The following CFAP53 variants were observed in gnomAD, a reference collection of about 807,000 sequenced individuals.
CFAP53 encodes cilia- and flagella-associated protein 53.
In CFAP53, 62 loss-of-function variants were observed where a neutral mutation model predicts 59.7. The observed-to-expected ratio is 1.04, with a 90% confidence interval of 0.85 to 1.28. The LOEUF is 1.28. CFAP53 is among the 50% of genes most tolerant of loss of function. The pLI is 0.00. For synonymous variants in CFAP53, 218 were observed against 205.7 expected (o/e 1.06, Z -0.51); for missense variants, 629 against 615.6 (o/e 1.02, Z -0.23).
chr18:50,253,142 G>A (rs1176568335), intron 3 of CFAP53, among the ~76,000 whole-genome samples: 1 of 152,060 alleles, frequency 6.6e-6, no homozygotes, highest in African/African-American at 2.4e-5. Context: ...TCAGCCTCCG[G>A]AGTAGCTGGG....
intron 3 of CFAP53, chr18:50,256,107 A>G (rs9958001): frequency 0.67 from 101,936 of 152,058 alleles, 34,543 homozygotes; most frequent in Admixed American, 0.73. Context: ...TCTAACTAGC[A>G]AAAACTCAGT....
At chr18:50,244,576 A>G (rs556359911) in intron 5 of CFAP53, among the ~76,000 whole-genome samples, 1 of 152,332 alleles carries the variant, frequency 6.6e-6, no homozygotes, top group South Asian at 2.1e-4. Flanking sequence ...AATAATCAAT[A>G]TAAGACTGGA....
rs376463544 is a variant in CFAP53, at chr18:50,250,814, C to G, written c.940G>C (p.Val314Leu). 1 of 1,614,158 alleles carries G rather than the reference C, an allele frequency of 6.2e-7. No homozygotes were observed. Among genetic ancestry groups the G allele is most frequent in the South Asian group, 1.1e-5 (1 of 91,066 alleles). ...TGTAAGTCTTGAAGGGCCCTTTGCA[C>G]GAGCTTCATGTTCAAGTCCTGTTCG... The part of the protein sequence containing the change: ...RDEQDLNMKL[V>L]QRALQDLQEE... The change falls in exon 5 of 8, where the codon GTG (valine) becomes CTG (leucine). Residue 314 changes from valine (V) to leucine (L), a missense_variant. Transcript: ENST00000398545.
intron 5 of CFAP53, among the ~76,000 whole-genome samples, chr18:50,248,672 C>G (rs1199232238): frequency 6.6e-6 from 1 of 151,340 alleles, no homozygotes; most frequent in Admixed American, 6.6e-5. Context: ...GTAATCCTAG[C>G]TACTCAGGGG....
chr18:50,251,931 A>G lies in CFAP53; in HGVS notation c.474-147T>C, dbSNP rs984741271. The G allele has an allele frequency of 3.4e-5, 25 of 726,694 alleles. No individual in the cohort carries two copies. The South Asian group carries it at 4.5e-4, about 13-fold the overall frequency. The allele number at this position is 726,694 out of a possible 1,614,324, so 45.0% of individuals were successfully genotyped here. A position where few individuals can be genotyped will look rare whatever the true frequency, so the allele number is the denominator to read the frequency against. On this transcript the variant is annotated intron_variant, in intron 3 of 7. Coordinates refer to ENST00000398545, the MANE Select transcript of CFAP53 (RefSeq NM_145020.5). The stretch of plus-strand genomic sequence containing the variant: ...CGGAGCACAGGAAACAAGAGGGAGC[A>G]GCAGGGAGGGCAAGCACCAGGATGG...
chr18:50,248,960 T>G (rs1351868901), intron 5 of CFAP53, among the ~76,000 whole-genome samples: 1 of 151,574 alleles, frequency 6.6e-6, no homozygotes, highest in African/African-American at 2.4e-5. Context: ...AAGAATAAAT[T>G]GGGAGGCCGA....
At chr18:50,228,239 G>A (rs543997186) in intron 7 of CFAP53, among the ~76,000 whole-genome samples, 5 of 151,590 alleles carry the variant, frequency 3.3e-5, no homozygotes, top group East Asian at 2.0e-4. Context: ...GATTACAGGC[G>A]TGAGCCACCA....
rs3744849 is a variant in CFAP53, at chr18:50,262,196, T to A, written c.93A>T (p.Gln31His). 6.2e-7 allele frequency: 1 copy of A among 1,614,106 alleles called. No individual in the cohort carries two copies. The highest frequency in any genetic ancestry group is 8.5e-7 in the Non-Finnish European group (1 of 1,179,946). Residue 31 changes from glutamine to histidine, a missense_variant, in exon 2 of 8, where the codon CAA (glutamine) becomes CAT (histidine). Transcript: ENST00000398545. Reference protein sequence around the residue: ...VIVRSKPPKGQGAEHHLERIR... With the variant: ...VIVRSKPPKGHGAEHHLERIR... ...TTCTTTCTAGATGGTGCTCAGCTCC[T>A]TGGCCTTTAGGAGGCTTGGATCTCT...
At chr18:50,239,348 C>T (rs865904954) in intron 6 of CFAP53, among the ~76,000 whole-genome samples, 4 of 150,718 alleles carry the variant, frequency 2.7e-5, no homozygotes, top group South Asian at 4.2e-4. Flanking sequence ...AGTGAGACGC[C>T]GTCTCAATAA....
intron 1 of CFAP53, among the ~76,000 whole-genome samples, chr18:50,265,892 T>C (rs1204953964): frequency 6.6e-6 from 1 of 152,160 alleles, no homozygotes; most frequent in Non-Finnish European, 1.5e-5. Flanking sequence ...CTAATTCCCC[T>C]TCCTCAGACG....
intron 7 of CFAP53, among the ~76,000 whole-genome samples, chr18:50,233,967 T>C (rs2033606679): frequency 6.6e-6 from 1 of 152,224 alleles, no homozygotes; most frequent in Admixed American, 6.5e-5. Flanking sequence ...GCACCAGAGA[T>C]GGCCTGTAAG....
At chr18:50,261,941 T>G in intron 2 of CFAP53, 49 bp downstream of exon 2, 1 of 1,444,194 alleles carries the variant, frequency 6.9e-7, no homozygotes, top group Non-Finnish European at 9.7e-7. Context: ...TCTCAAATTG[T>G]GGTTTTAGGA....
chr18:50,240,500 G>C (rs146452670), intron 6 of CFAP53, among the ~76,000 whole-genome samples: 1 of 152,288 alleles, frequency 6.6e-6, no homozygotes, highest in Non-Finnish European at 1.5e-5. Flanking sequence ...CAGGGGCCAC[G>C]TGAGTCAGGA....
rs1351146418 is a variant in CFAP53, at chr18:50,227,334, T to C, written c.*47A>G. 6.8e-7 allele frequency: 1 copy of C among 1,476,986 alleles called. No individual in the cohort carries two copies. The highest frequency in any genetic ancestry group is 1.4e-5 in the African/African-American group (1 of 72,108). 91.5% of individuals were successfully genotyped at this position (1,476,986 alleles called of 1,614,324 possible). On this transcript the variant is annotated 3_prime_UTR_variant, in exon 8 of 8. Coordinates refer to ENST00000398545, the MANE Select transcript of CFAP53 (RefSeq NM_145020.5). The stretch of plus-strand genomic sequence containing the variant: ...AAAGAAGCATACAAGCATACTGTAG[T>C]TAAAAATATTAAAAGACCAAGAAAA...
At chr18:50,251,386 C>T (rs1271280977) in intron 4 of CFAP53, 95 bp downstream of exon 4, 2 of 1,109,404 alleles carry the variant, frequency 1.8e-6, no homozygotes, top group African/African-American at 1.6e-5. Context: ...TGTGAACTAG[C>T]CCAGGCCATC....
chr18:50,238,922 C>T (rs2033662448), intron 6 of CFAP53, among the ~76,000 whole-genome samples: 2 of 151,980 alleles, frequency 1.3e-5, no homozygotes, highest in Admixed American at 1.3e-4. Flanking sequence ...CATCATTTTT[C>T]ATTGAAAATC....
At chr18:50,249,983 G>T (rs1198250914) in intron 5 of CFAP53, among the ~76,000 whole-genome samples, 1 of 152,114 alleles carries the variant, frequency 6.6e-6, no homozygotes, top group Non-Finnish European at 1.5e-5. Context: ...AGCACTTTAG[G>T]AGGCTGAGGT....
At chr18:50,244,914 T>A (rs1240652517) in intron 5 of CFAP53, among the ~76,000 whole-genome samples, 1 of 151,258 alleles carries the variant, frequency 6.6e-6, no homozygotes, top group Non-Finnish European at 1.5e-5. Context: ...TACAAAAAAA[T>A]TAGCTGGGTG....
At chr18:50,258,746 C>T (rs2033866656) in intron 3 of CFAP53, among the ~76,000 whole-genome samples, 1 of 152,120 alleles carries the variant, frequency 6.6e-6, no homozygotes, top group Non-Finnish European at 1.5e-5. Context: ...GGAGCTCAAA[C>T]AACTCCATAA....
Sources: gnomAD v4.1 joint callset for allele counts (sites outside exome capture counted in the v4.1 genomes callset) on GRCh38, gnomAD v4.1.1 for gene constraint, MANE v1.5 for transcripts, NCBI Gene and HGNC (gene_info 2026-07-23, HGNC 2026-07-21) for gene names.